Variants in RFTN1 observed in about 807,000 individuals in gnomAD.
The protein encoded by RFTN1 is raftlin, lipid raft linker 1.
Under a neutral mutation model 46.5 loss-of-function variants are expected in RFTN1, and 26 were observed. That is an observed-to-expected ratio of 0.56 (90% CI 0.41 to 0.78). The LOEUF is 0.78. RFTN1 is among the 30% of genes least tolerant of loss of function. The pLI is 0.00. For missense variants in RFTN1, 693 were observed against 718.7 expected, an observed-to-expected ratio of 0.96 and a Z score of 0.41; for synonymous variants, 261 against 284.2, an observed-to-expected ratio of 0.92 and a Z score of 0.82.
intron 3 of RFTN1, among the ~76,000 whole-genome samples, chr3:16,419,255 C>T (rs549213244): frequency 5.1e-4 from 77 of 152,110 alleles, no homozygotes; most frequent in Non-Finnish European, 9.6e-4. Context: ...GTGGGCTCTG[C>T]AGTGACCGGG....
chr3:16,440,011 C>T lies in RFTN1; in HGVS notation c.146-5974G>A, dbSNP rs1455937524. Among the ~76,000 whole-genome samples the T allele has an allele frequency of 1.3e-5, 2 of 152,194 alleles. No individual in the cohort carries two copies. Among genetic ancestry groups the T allele is most frequent in the Non-Finnish European group, 2.9e-5 (2 of 68,042 alleles). On this transcript the variant is annotated intron_variant, in intron 2 of 9. Coordinates refer to ENST00000334133, the MANE Select transcript of RFTN1 (RefSeq NM_015150.2). This position sits in a 1 kb window ranked among gnomAD's most constrained non-coding sequence, Gnocchi z 4.6. ...AGGAGCTGACTCTAAGGCTGAACCA[C>T]ATGAACCGTCTCATCATAAGTTAAA...
intron 6 of RFTN1, among the ~76,000 whole-genome samples, chr3:16,365,641 A>G (rs2125349272): frequency 6.6e-6 from 1 of 152,332 alleles, no homozygotes; most frequent in South Asian, 2.1e-4. Context: ...GTGGCAGCAG[A>G]GAGACATCTG....
In RFTN1 at chr3:16,413,693, TTAACAC is replaced by T. The variant is rs1285768205; in HGVS notation, c.333-4216_333-4211del. Among the ~76,000 whole-genome samples the T allele has an allele frequency of 2.0e-5, 3 of 152,172 alleles. No homozygotes were observed. The highest frequency in any genetic ancestry group is 2.0e-4 in the Admixed American group (3 of 15,288). Reference sequence around the variant, plus strand: ...CCCCCCAACCTACTTTATCTGGAAATTAACACTAAGCACTCTCCAATTAAATAAAGA... The same window carrying T: ...CCCCCCAACCTACTTTATCTGGAAATTAAGCACTCTCCAATTAAATAAAGA... On this transcript the variant is annotated intron_variant, in intron 3 of 9. Coordinates refer to ENST00000334133, the MANE Select transcript of RFTN1 (RefSeq NM_015150.2). The surrounding 1 kb of genome is among the most constrained non-coding windows in gnomAD (Gnocchi z 4.7).
Position 16,425,743 on chromosome 3 carries a change from G to A in RFTN1, c.332+8108C>T, listed in dbSNP as rs1341036192. Among the ~76,000 whole-genome samples, 4 of 151,974 alleles carry A rather than the reference G, an allele frequency of 2.6e-5. No homozygotes were observed. The highest frequency in any genetic ancestry group is 9.7e-5 in the African/African-American group (4 of 41,362). On this transcript the variant is annotated intron_variant, in intron 3 of 9. Coordinates refer to ENST00000334133, the MANE Select transcript of RFTN1 (RefSeq NM_015150.2). The surrounding 1 kb of genome is among the most constrained non-coding windows in gnomAD (Gnocchi z 4.3). ...TGAAAAGTGCAAACAAATAATTAACGGTGAATCCTGAAACTTCAACACACC... is the reference window on the plus strand; with the variant it reads ...TGAAAAGTGCAAACAAATAATTAACAGTGAATCCTGAAACTTCAACACACC...
rs892555515 is a variant in RFTN1, at chr3:16,322,973, A to G, written c.1332+403T>C. Among the ~76,000 whole-genome samples the G allele has an allele frequency of 6.6e-6, 1 of 152,194 alleles. No homozygotes were observed. The highest frequency in any genetic ancestry group is 1.5e-5 in the Non-Finnish European group (1 of 68,026). ...TTTTAATGTCCTAAGGAATCTTAAC[A>G]GGGCAGGCCAGAGCTCCAACTAGCT... On this transcript the variant is annotated intron_variant, in intron 9 of 9. Transcript: ENST00000334133. The surrounding 1 kb of genome is among the most constrained non-coding windows in gnomAD (Gnocchi z 6.2).
chr3:16,322,489 C>T lies in RFTN1; in HGVS notation c.1332+887G>A, dbSNP rs765964921. On this transcript the variant is annotated intron_variant, in intron 9 of 9. Coordinates refer to ENST00000334133, the MANE Select transcript of RFTN1 (RefSeq NM_015150.2). This position sits in a 1 kb window ranked among gnomAD's most constrained non-coding sequence, Gnocchi z 6.2. ...GCCGAGCAGGTCAGGCAGGCCCTGCCGAGAATGTGGCCTCAGCCATCAAAG... is the reference window on the plus strand; with the variant it reads ...GCCGAGCAGGTCAGGCAGGCCCTGCTGAGAATGTGGCCTCAGCCATCAAAG... Among the ~76,000 whole-genome samples the T allele has an allele frequency of 7.2e-5, 11 of 152,146 alleles. No individual in the cohort carries two copies. The highest frequency in any genetic ancestry group is 1.2e-4 in the Non-Finnish European group (8 of 68,032).
intron 4 of RFTN1, among the ~76,000 whole-genome samples, chr3:16,395,931 T>G (rs2074457284): frequency 6.6e-6 from 1 of 152,188 alleles, no homozygotes; most frequent in Non-Finnish European, 1.5e-5. Flanking sequence ...TGTAAAAAAT[T>G]TTTTAAAAAG....
intron 2 of RFTN1, chr3:16,472,195 T>C (rs1349690951): frequency 3.3e-5 from 5 of 151,916 alleles, no homozygotes; most frequent in African/African-American, 1.2e-4. Flanking sequence ...TGAGGATTGT[T>C]ATACCTGTTT....
chr3:16,506,061 ATT>A lies in RFTN1; in HGVS notation c.-9+7379_-9+7380del, dbSNP rs1284261224. ...AAATAAAAATAATACACAAAATCCCATTTTTAAAGTATGCCAACTAGAAAACA... is the reference window on the plus strand; with the variant it reads ...AAATAAAAATAATACACAAAATCCCATTTAAAGTATGCCAACTAGAAAACA... On this transcript the variant is annotated intron_variant, in intron 1 of 9. Coordinates refer to ENST00000334133, the MANE Select transcript of RFTN1 (RefSeq NM_015150.2). The surrounding 1 kb of genome is among the most constrained non-coding windows in gnomAD (Gnocchi z 4.8). 1.5e-4 allele frequency among the ~76,000 whole-genome samples: 23 copies of A among 152,210 alleles called. No individual in the cohort carries two copies. The highest frequency in any genetic ancestry group is 1.3e-4 in the Non-Finnish European group (9 of 68,042).
At chr3:16,438,700 T>C (rs954214973) in intron 2 of RFTN1, among the ~76,000 whole-genome samples, 3 of 149,840 alleles carry the variant, frequency 2.0e-5, no homozygotes, top group Admixed American at 6.7e-5. Context: ...TTGTATAAAA[T>C]GGTGATAACA....
intron 4 of RFTN1, among the ~76,000 whole-genome samples, chr3:16,395,923 T>TA (rs554607065): frequency 1.2e-4 from 18 of 152,334 alleles, no homozygotes; most frequent in African/African-American, 4.3e-4. Context: ...TAAAAACTTG[T>TA]AAAAAATTTT....
rs564929012 is a variant in RFTN1 at position 16,385,364 on chromosome 3, G to A, written c.442-7262C>T. ...GCAGAAATTGGAAGCTTTGCCAGGC[G>A]CTGCTGGATGTTTAGCTCCGTTTTA... On this transcript the variant is annotated intron_variant, in intron 4 of 9. Transcript: ENST00000334133. This position sits in a 1 kb window ranked among gnomAD's most constrained non-coding sequence, Gnocchi z 5.0. Among the ~76,000 whole-genome samples, 51 of 152,252 alleles carry A rather than the reference G, an allele frequency of 3.3e-4. No homozygotes were observed. The highest frequency in any genetic ancestry group is 2.5e-3 in the Admixed American group (38 of 15,308).
chr3:16,327,339 CAT>C lies in RFTN1; in HGVS notation c.1147-465_1147-464del, dbSNP rs1008717769. ...ACAGCAACACACACATGCACATCCA[CAT>C]GTGTGTGTACACGCAGAAGCTGCTT... On this transcript the variant is annotated intron_variant, in intron 7 of 9. Coordinates refer to ENST00000334133, the MANE Select transcript of RFTN1 (RefSeq NM_015150.2). This position sits in a 1 kb window ranked among gnomAD's most constrained non-coding sequence, Gnocchi z 4.2. 6.6e-5 allele frequency among the ~76,000 whole-genome samples: 10 copies of C among 152,032 alleles called. No homozygotes were observed. The highest frequency in any genetic ancestry group is 3.2e-3 in the Middle Eastern group (1 of 316).
chr3:16,396,829 G>A (rs1205321595), intron 4 of RFTN1, among the ~76,000 whole-genome samples: 1 of 152,182 alleles, frequency 6.6e-6, no homozygotes, highest in Non-Finnish European at 1.5e-5. Flanking sequence ...TCGGGAAGCT[G>A]AGGTGGGCGG....
At chr3:16,406,950 A>G (rs765915750) in intron 4 of RFTN1, among the ~76,000 whole-genome samples, 1 of 152,240 alleles carries the variant, frequency 6.6e-6, no homozygotes, top group Admixed American at 6.5e-5. Context: ...GAATGCTGGC[A>G]TAAAAGTTAA....
At position 16,351,470 on chromosome 3, in the gene RFTN1, C is replaced by T. The variant is rs539313270; in HGVS notation, c.1146+6462G>A. ...CTCAACAAAAGATTGAATACGCAGG[C>T]AGAGAGTGGAGAAGAGCTGACTCCA... On this transcript the variant is annotated intron_variant, in intron 7 of 9. Transcript: ENST00000334133. This position sits in a 1 kb window ranked among gnomAD's most constrained non-coding sequence, Gnocchi z 5.4. 2.0e-4 allele frequency among the ~76,000 whole-genome samples: 31 copies of T among 152,244 alleles called. No homozygotes were observed. The East Asian group carries it at 4.1e-3, about 20-fold the overall frequency.
chr3:16,506,354 C>G lies in RFTN1; in HGVS notation c.-9+7088G>C, dbSNP rs1170869318. On this transcript the variant is annotated intron_variant, in intron 1 of 9. Coordinates refer to ENST00000334133, the MANE Select transcript of RFTN1 (RefSeq NM_015150.2). The surrounding 1 kb of genome is among the most constrained non-coding windows in gnomAD (Gnocchi z 4.8). Reference sequence around the variant, plus strand: ...AGACAGAGCGTAGGCCTGGCCGGGCCGTGAGCACTTCAGCTTTACCCTGAC... The same window carrying G: ...AGACAGAGCGTAGGCCTGGCCGGGCGGTGAGCACTTCAGCTTTACCCTGAC... Among the ~76,000 whole-genome samples the G allele has an allele frequency of 6.6e-6, 1 of 152,062 alleles. No homozygotes were observed. Among genetic ancestry groups the G allele is most frequent in the Non-Finnish European group, 1.5e-5 (1 of 68,012 alleles).
In RFTN1 at chr3:16,507,802, CAAACGCACATACAT is replaced by C. The variant is rs1559382083; in HGVS notation, c.-9+5626_-9+5639del. 6.8e-6 allele frequency among the ~76,000 whole-genome samples: 1 copy of C among 147,810 alleles called. No individual in the cohort carries two copies. Among genetic ancestry groups the C allele is most frequent in the African/African-American group, 2.6e-5 (1 of 39,152 alleles). On this transcript the variant is annotated intron_variant, in intron 1 of 9. Transcript: ENST00000334133. The surrounding 1 kb of genome is among the most constrained non-coding windows in gnomAD (Gnocchi z 7.1). ...ACACTCACATACACACAAACACACA[CAAACGCACATACAT>C]ACATACATACACACACACACACATA...
chr3:16,449,269 C>G lies in RFTN1; in HGVS notation c.146-15232G>C, dbSNP rs112709131. Among the ~76,000 whole-genome samples, 15 of 152,320 alleles carry G rather than the reference C, an allele frequency of 9.8e-5. No homozygotes were observed. Among genetic ancestry groups the G allele is most frequent in the African/African-American group, 3.6e-4 (15 of 41,580 alleles). On this transcript the variant is annotated intron_variant, in intron 2 of 9. Coordinates refer to ENST00000334133, the MANE Select transcript of RFTN1 (RefSeq NM_015150.2). This position sits in a 1 kb window ranked among gnomAD's most constrained non-coding sequence, Gnocchi z 5.1. Reference sequence around the variant, plus strand: ...TGGAATTGAATTATAGGAGAGAAAGCTGATTATTCATCAAATCTGGCTCAG... The same window carrying G: ...TGGAATTGAATTATAGGAGAGAAAGGTGATTATTCATCAAATCTGGCTCAG...
Sources: gnomAD v4.1 joint callset for allele counts (sites outside exome capture counted in the v4.1 genomes callset) on GRCh38, gnomAD v4.1.1 for gene constraint, Gnocchi (gnomAD v3.1) non-coding constraint, MANE v1.5 for transcripts, NCBI Gene and HGNC (gene_info 2026-07-23, HGNC 2026-07-21) for gene names.